WDHD1: variants seen among roughly 807,000 people sequenced by gnomAD.
WDHD1 encodes WD repeat and HMG-box DNA binding protein 1.
WDHD1 carries 111 observed loss-of-function variants against 135.4 expected under a neutral mutation model. That is an observed-to-expected ratio of 0.82 (90% CI 0.70 to 0.96). The LOEUF (loss-of-function observed/expected upper bound fraction) is 0.96, where lower values mean the gene tolerates loss of function less well. WDHD1 is among the 40% of genes least tolerant of loss of function. The probability of loss-of-function intolerance (pLI) is 0.00; values close to 1 mark genes in which losing one functional copy is unlikely to be tolerated. For missense variants in WDHD1, 1,351 were observed against 1,336.3 expected, an observed-to-expected ratio of 1.01 and a Z score of -0.17; for synonymous variants, 434 against 439.0, an observed-to-expected ratio of 0.99 and a Z score of 0.14.
At chr14:54,953,923 G>A (rs1352788046) in intron 24 of WDHD1, among the ~76,000 whole-genome samples, 2 of 152,058 alleles carry the variant, frequency 1.3e-5, no homozygotes, top group East Asian at 3.9e-4. Flanking sequence ...ACTGAACAAT[G>A]AGAACGCTTG....
intron 24 of WDHD1, among the ~76,000 whole-genome samples, chr14:54,946,582 C>T (rs1323531391): frequency 6.6e-6 from 1 of 152,130 alleles, no homozygotes; most frequent in Non-Finnish European, 1.5e-5. Flanking sequence ...TTCCTGGGCT[C>T]AAGCAATCCT....
intron 3 of WDHD1, among the ~76,000 whole-genome samples, chr14:55,011,726 T>C (rs2042174152): frequency 6.6e-6 from 1 of 151,846 alleles, no homozygotes; most frequent in Admixed American, 6.6e-5. Flanking sequence ...GAATCTCATT[T>C]TTTTTACTTA....
chr14:54,994,760 C>T (rs1402872121), intron 11 of WDHD1, among the ~76,000 whole-genome samples: 1 of 110,580 alleles, frequency 9.0e-6, no homozygotes, highest in Non-Finnish European at 1.9e-5. Context: ...GACTCCGCCT[C>T]AAAAAAAAAA....
chr14:55,011,284 C>G (rs1384653007), intron 3 of WDHD1, among the ~76,000 whole-genome samples: 2 of 152,060 alleles, frequency 1.3e-5, no homozygotes, highest in Non-Finnish European at 2.9e-5. Context: ...AATCCCAGCA[C>G]TTTGGGAGGC....
At chr14:54,964,271 T>C (rs1246711275) in intron 18 of WDHD1, among the ~76,000 whole-genome samples, 2 of 152,230 alleles carry the variant, frequency 1.3e-5, no homozygotes, top group Non-Finnish European at 2.9e-5. Flanking sequence ...GATGCCCTTT[T>C]CAAGATTTTT....
chr14:54,945,584 A>G (rs894048374), intron 24 of WDHD1, among the ~76,000 whole-genome samples: 1 of 152,128 alleles, frequency 6.6e-6, no homozygotes, highest in Non-Finnish European at 1.5e-5. Context: ...TCTTTCCCCT[A>G]TGCTGGAGTA....
intron 2 of WDHD1, among the ~76,000 whole-genome samples, chr14:55,015,967 G>C (rs557337654): frequency 6.6e-6 from 1 of 152,298 alleles, no homozygotes; most frequent in East Asian, 1.9e-4. Context: ...TCAAAGTGCT[G>C]GGATTATAGG....
chr14:55,013,300 A>C (rs1413815126), intron 3 of WDHD1, among the ~76,000 whole-genome samples, 185 bp downstream of exon 3: 1 of 151,910 alleles, frequency 6.6e-6, no homozygotes, highest in African/African-American at 2.4e-5. Context: ...TATATTCAAA[A>C]ATATTTTTCA....
chr14:55,020,555 CT>C, intron 2 of WDHD1, among the ~76,000 whole-genome samples: 1 of 152,212 alleles, frequency 6.6e-6, no homozygotes, highest in South Asian at 2.1e-4. Context: ...ATATTTACTC[CT>C]TCCCTAGGTG....
At chr14:55,018,019 G>T (rs1382030740) in intron 2 of WDHD1, among the ~76,000 whole-genome samples, 1 of 151,906 alleles carries the variant, frequency 6.6e-6, no homozygotes, top group East Asian at 1.9e-4. Flanking sequence ...CGCACAAACC[G>T]ATGTTAATTA....
rs1230388023 is a variant in WDHD1 at position 54,972,578 on chromosome 14, AAAAAAAAAAAAAT to A, written c.2064-5197_2064-5185del. Among the ~76,000 whole-genome samples, 18 of 125,138 alleles carry A rather than the reference AAAAAAAAAAAAAT, an allele frequency of 1.4e-4. 2 individuals carry two copies. Among genetic ancestry groups the A allele is most frequent in the African/African-American group, 4.7e-4 (12 of 25,650 alleles). 82.1% of individuals were successfully genotyped at this position (125,138 alleles called of 152,430 possible). A position where few individuals can be genotyped will look rare whatever the true frequency, so the allele number is the denominator to read the frequency against. On this transcript the variant is annotated intron_variant, in intron 16 of 25. Transcript: ENST00000360586. ...CAAAAAAAAAAAAAAAAAAAAAAAA[AAAAAAAAAAAAAT>A]GCCAATGAGGCATATTCACTTTCAT...
intron 16 of WDHD1, among the ~76,000 whole-genome samples, chr14:54,973,751 A>AT (rs2041477430): frequency 6.6e-6 from 1 of 152,148 alleles, no homozygotes; most frequent in African/African-American, 2.4e-5. Context: ...TTGCCTAAAC[A>AT]TTTTTTTCTA....
chr14:54,951,827 T>C (rs2041059980), intron 24 of WDHD1, among the ~76,000 whole-genome samples: 1 of 152,232 alleles, frequency 6.6e-6, no homozygotes, highest in South Asian at 2.1e-4. Flanking sequence ...GATGCAAGGC[T>C]AGTTCAACAT....
intron 2 of WDHD1, among the ~76,000 whole-genome samples, chr14:55,022,219 AAAG>A (rs1041646553): frequency 6.6e-6 from 1 of 152,226 alleles, no homozygotes; most frequent in African/African-American, 2.4e-5. Flanking sequence ...CCAATCCAGA[AAAG>A]AAGGTTCTCA....
intron 16 of WDHD1, among the ~76,000 whole-genome samples, chr14:54,980,226 G>A (rs1263084054): frequency 6.6e-6 from 1 of 151,974 alleles, no homozygotes; most frequent in Non-Finnish European, 1.5e-5. Context: ...TAAGGTGGGA[G>A]GATCGCTTGA....
intron 16 of WDHD1, 127 bp downstream of exon 16, chr14:54,981,413 T>C (rs1396632577): frequency 3.4e-6 from 3 of 871,492 alleles, no homozygotes; most frequent in Non-Finnish European, 5.2e-6. Context: ...AAATTCCTAA[T>C]TTAGTGACTA....
intron 11 of WDHD1, among the ~76,000 whole-genome samples, chr14:54,994,080 T>C (rs963548209): frequency 2.6e-5 from 4 of 152,228 alleles, no homozygotes; most frequent in African/African-American, 9.6e-5. Context: ...GCACTCTATT[T>C]GAAGATTTTC....
chr14:55,005,891 G>A (rs533269343), intron 7 of WDHD1, among the ~76,000 whole-genome samples: 2 of 152,034 alleles, frequency 1.3e-5, no homozygotes, highest in South Asian at 4.1e-4. Flanking sequence ...TTAAGGCAGG[G>A]TTTTGCTTTG....
At position 54,955,572 on chromosome 14, in the gene WDHD1, A is replaced by C. The variant is rs771293876; in HGVS notation, c.3039T>G (p.Thr1013=). 1 of 1,567,058 alleles carries C rather than the reference A, an allele frequency of 6.4e-7. No individual in the cohort carries two copies. Among genetic ancestry groups the C allele is most frequent in the South Asian group, 1.2e-5 (1 of 82,292 alleles). The change falls in exon 24 of 26, where the codon ACT becomes ACG. Residue 1013 remains threonine (T), a synonymous_variant. Transcript: ENST00000360586. ...CTCTATGTACTGACCTTTGGTTTTC[A>C]GTGTTTTGAGGAGGACATATAGCTG... ...ETPAICPPQN[T]ENQRPKTGFQ...
Sources: gnomAD v4.1 joint callset for allele counts (sites outside exome capture counted in the v4.1 genomes callset) on GRCh38, gnomAD v4.1.1 for gene constraint, MANE v1.5 for transcripts, NCBI Gene and HGNC (gene_info 2026-07-23, HGNC 2026-07-21) for gene names.